The following PDGFRL variants were observed in gnomAD, a reference collection of about 807,000 sequenced individuals.
PDGFRL encodes the protein platelet derived growth factor receptor like.
PDGFRL carries 46 observed loss-of-function variants against 37.2 expected under a neutral mutation model. The observed-to-expected ratio is 1.24, with a 90% CI of 0.98 to 1.58. The LOEUF (loss-of-function observed/expected upper bound fraction) is 1.58, where lower values mean the gene tolerates loss of function less well. PDGFRL is among the 40% of genes most tolerant of loss of function. The pLI, the probability that PDGFRL is intolerant of heterozygous loss-of-function variation, is 0.00. For synonymous variants in PDGFRL, 251 were observed against 184.3 expected, an observed-to-expected ratio of 1.36 and a Z score of -2.93; for missense variants, 692 against 467.6, an observed-to-expected ratio of 1.48 and a Z score of -4.43.
rs1804788413 is a variant in PDGFRL, at chr8:17,628,690, C to T, written c.709C>T (p.His237Tyr). ...GCGGGGCTTTGTGTATCTGCAACCT[C>T]ATTCCGAGCACCAGGGTGTGGTTTA... ...MKRGFVYLQP[H>Y]SEHQGVVYCR... The change falls in exon 4 of 6, where the codon CAT becomes TAT. Residue 237 changes from histidine (H) to tyrosine (Y), a missense_variant. His to Tyr is a moderately conservative substitution (Grantham distance 83). Transcript: ENST00000251630. 6.2e-7 allele frequency: 1 copy of T among 1,613,918 alleles called. No homozygotes were observed. Among genetic ancestry groups the T allele is most frequent in the Non-Finnish European group, 8.5e-7 (1 of 1,179,888 alleles).
chr8:17,601,270 A>G (rs185243955), intron 2 of PDGFRL, among the ~76,000 whole-genome samples: 1 of 152,182 alleles, frequency 6.6e-6, no homozygotes, highest in Non-Finnish European at 1.5e-5. Context: ...CACCCAGCAC[A>G]GTCTCCAGCA....
intron 5 of PDGFRL, among the ~76,000 whole-genome samples, chr8:17,636,873 G>C (rs536428257): frequency 5.3e-5 from 8 of 152,054 alleles, no homozygotes; most frequent in Non-Finnish European, 8.8e-5. Flanking sequence ...ATTTTTTGCA[G>C]CTATTATAAA....
chr8:17,606,285 A>T (rs1392926234), intron 2 of PDGFRL, among the ~76,000 whole-genome samples: 1 of 152,176 alleles, frequency 6.6e-6, no homozygotes, highest in Non-Finnish European at 1.5e-5. Flanking sequence ...GTGCATTCAT[A>T]TCATTATGTG....
chr8:17,628,139 G>A (rs868589294), intron 3 of PDGFRL, among the ~76,000 whole-genome samples: 4 of 150,686 alleles, frequency 2.7e-5, no homozygotes, highest in Admixed American at 1.3e-4. Context: ...GACTACAGGC[G>A]CCCGCCACCA....
rs553160161 is a variant in PDGFRL, at chr8:17,634,973, G to GT, written c.939+769dup. Among the ~76,000 whole-genome samples, 460 of 117,266 alleles carry GT rather than the reference G, an allele frequency of 3.9e-3. 1 individual carries two copies. The highest frequency in any genetic ancestry group is 0.015 in the African/African-American group (350 of 22,652). The allele number at this position is 117,266 out of a possible 152,430, so 76.9% of individuals were successfully genotyped here. On this transcript the variant is annotated intron_variant, in intron 5 of 5. Coordinates refer to ENST00000251630, the MANE Select transcript of PDGFRL (RefSeq NM_001372073.1). ...TATACCCCTGAACCTAAAATAAAAG[G>GT]TTTTTTTTTAAAAAAAAGGACATTG...
intron 3 of PDGFRL, 64 bp from the exon 4 acceptor site, chr8:17,628,423 C>T (rs1804781063): frequency 7.4e-7 from 1 of 1,344,292 alleles, no homozygotes; most frequent in Non-Finnish European, 1.1e-6. Flanking sequence ...TGCCAAAATC[C>T]TTAAGGGTGC....
rs545967212 is a variant in PDGFRL at position 17,583,124 on chromosome 8, T to C, written c.55+5817T>C. ...GCATATTCCCAGAATGCAAGAGTGA[T>C]GGAGGCTTAGCTTCCACCTAGATTT... On this transcript the variant is annotated intron_variant, in intron 1 of 5. Coordinates refer to ENST00000251630, the MANE Select transcript of PDGFRL (RefSeq NM_001372073.1). Among the ~76,000 whole-genome samples, 14 of 152,244 alleles carry C rather than the reference T, an allele frequency of 9.2e-5. No individual in the cohort carries two copies. In the East Asian group the frequency reaches 2.5e-3, roughly 27 times the overall value.
chr8:17,590,808 A>T (rs1000593482), intron 2 of PDGFRL, among the ~76,000 whole-genome samples: 6 of 152,104 alleles, frequency 3.9e-5, no homozygotes, highest in African/African-American at 1.4e-4. Flanking sequence ...ATGACCTAAC[A>T]GGAGATTTCT....
At chr8:17,606,976 A>C (rs1234199515) in intron 2 of PDGFRL, among the ~76,000 whole-genome samples, 1 of 142,670 alleles carries the variant, frequency 7.0e-6, no homozygotes, top group Non-Finnish European at 1.5e-5. Flanking sequence ...GCTCACTGCA[A>C]CCTCCACCTC....
At chr8:17,583,803 T>C (rs2588159) in intron 1 of PDGFRL, among the ~76,000 whole-genome samples, 109,431 of 151,364 alleles carry the variant, frequency 0.72, 41,450 homozygotes, top group Admixed American at 0.84. Flanking sequence ...CTCTCTCTCT[T>C]GCTTCTTCTC....
intron 5 of PDGFRL, among the ~76,000 whole-genome samples, chr8:17,639,529 T>A (rs1257349696): frequency 6.6e-6 from 1 of 152,178 alleles, no homozygotes; most frequent in Non-Finnish European, 1.5e-5. Flanking sequence ...TCTCCTTCAT[T>A]TATGAAGCTT....
At chr8:17,587,180 A>C (rs1803836227) in intron 1 of PDGFRL, among the ~76,000 whole-genome samples, 1 of 152,208 alleles carries the variant, frequency 6.6e-6, no homozygotes, top group Non-Finnish European at 1.5e-5. Flanking sequence ...GTGGTCAGGC[A>C]GCTGGACCAG....
rs201785116 is a variant in PDGFRL, at chr8:17,596,535, G to C, written c.353+6770G>C. On this transcript the variant is annotated intron_variant, in intron 2 of 5. Coordinates refer to ENST00000251630, the MANE Select transcript of PDGFRL (RefSeq NM_001372073.1). ...AAGCTTAGAGGATTCCATGCTTGAA[G>C]TTTTAGTATTTTCTAAGAGTATTTT... Among the ~76,000 whole-genome samples the C allele has an allele frequency of 1.8e-4, 28 of 152,264 alleles. 1 individual carries two copies. In the East Asian group the frequency reaches 5.2e-3, roughly 28 times the overall value.
At chr8:17,615,827 T>G (rs780073966) in intron 2 of PDGFRL, among the ~76,000 whole-genome samples, 6 of 152,194 alleles carry the variant, frequency 3.9e-5, no homozygotes, top group Non-Finnish European at 7.3e-5. Context: ...GAGGATCCCT[T>G]AAGCCTAGGA....
At chr8:17,597,646 A>T (rs1041609068) in intron 2 of PDGFRL, among the ~76,000 whole-genome samples, 2 of 152,208 alleles carry the variant, frequency 1.3e-5, no homozygotes, top group African/African-American at 4.8e-5. Flanking sequence ...ATTTTGGTAA[A>T]TGATTAAAAC....
At chr8:17,579,550 ATTATTG>A (rs1301133596) in intron 1 of PDGFRL, among the ~76,000 whole-genome samples, 1,369 of 57,994 alleles carry the variant, frequency 0.024, 25 homozygotes, top group African/African-American at 0.072. Context: ...TTATTTTATT[ATTATTG>A]TTATTATTAT....
intron 5 of PDGFRL, 83 bp downstream of exon 5, chr8:17,634,296 A>C: frequency 1.6e-5 from 18 of 1,102,382 alleles, no homozygotes; most frequent in Non-Finnish European, 2.4e-5. Context: ...CTTCGTCCCC[A>C]CCCAGTGCTA....
chr8:17,596,175 G>A (rs1804048111), intron 2 of PDGFRL: 1 of 408,088 alleles, frequency 2.5e-6, no homozygotes. Flanking sequence ...GCCGGAGGCA[G>A]TTAGGAGCCC....
intron 1 of PDGFRL, among the ~76,000 whole-genome samples, chr8:17,580,705 G>A (rs557608744): frequency 3.3e-5 from 5 of 152,306 alleles, no homozygotes; most frequent in African/African-American, 4.8e-5. Context: ...AAAGTACCAC[G>A]GAATGGGAGG....
Sources: gnomAD v4.1 joint callset for allele counts (sites outside exome capture counted in the v4.1 genomes callset) on GRCh38, gnomAD v4.1.1 for gene constraint, MANE v1.5 for transcripts, NCBI Gene and HGNC (gene_info 2026-07-23, HGNC 2026-07-21) for gene names.